Variants in PREX2 observed in about 807,000 individuals in gnomAD.
PREX2 encodes the protein phosphatidylinositol 3,4,5-trisphosphate-dependent Rac exchanger 2 protein.
A neutral mutation model predicts 203.2 loss-of-function variants in PREX2; 107 were observed. That is an observed-to-expected ratio of 0.53 (90% confidence interval 0.45 to 0.62). PREX2 has a LOEUF of 0.62. Ranked by LOEUF, PREX2 falls within the 20% of genes least tolerant of loss-of-function variation. The probability of loss-of-function intolerance (pLI) is 0.00; values close to 1 mark genes in which losing one functional copy is unlikely to be tolerated. For synonymous variants in PREX2, 672 were observed against 663.6 expected (o/e 1.01, Z -0.19); for missense variants, 1,777 against 1,955.9 (o/e 0.91, Z 1.72).
rs186452805 is a variant in PREX2, at chr8:68,127,345, A to T, written c.3725-33A>T. ...TATGGTATTTGTGACAGAAAGAGTGAACAATTAACTGATGTGTTTTCTTTC... is the reference window on the plus strand; with the variant it reads ...TATGGTATTTGTGACAGAAAGAGTGTACAATTAACTGATGTGTTTTCTTTC... On this transcript the variant is annotated intron_variant, in intron 30 of 39. Coordinates refer to ENST00000288368, the MANE Select transcript of PREX2 (RefSeq NM_024870.4). 1.3e-5 allele frequency: 20 copies of T among 1,544,458 alleles called. No individual in the cohort carries two copies. In the East Asian group the frequency reaches 4.5e-4, roughly 35 times the overall value.
chr8:68,047,514 C>CATATATATAT (rs1182364304), intron 8 of PREX2, among the ~76,000 whole-genome samples: 5 of 94,236 alleles, frequency 5.3e-5, no homozygotes, highest in African/African-American at 1.9e-4. Context: ...TATACACATA[C>CATATATATAT]ATATATATAT....
At chr8:68,120,894 TAA>T in intron 29 of PREX2, 25 bp from the exon 30 acceptor site, 2 of 1,604,956 alleles carry the variant, frequency 1.2e-6, no homozygotes, top group Non-Finnish European at 1.7e-6. Context: ...ATTTGAGACT[TAA>T]GAGAGATTTT....
intron 32 of PREX2, 79 bp downstream of exon 32, chr8:68,134,355 A>G: frequency 8.6e-7 from 1 of 1,161,406 alleles, no homozygotes; most frequent in Non-Finnish European, 1.3e-6. Context: ...AGAAGTAGTT[A>G]TTTCTTTCCC....
chr8:68,190,486 C>A (rs535973866), intron 35 of PREX2, among the ~76,000 whole-genome samples: 15 of 152,216 alleles, frequency 9.9e-5, no homozygotes, highest in African/African-American at 3.6e-4. Context: ...AACTCAGAAA[C>A]AGAAAATTTA....
intron 8 of PREX2, among the ~76,000 whole-genome samples, chr8:68,045,297 A>C (rs1008485056): frequency 6.6e-6 from 1 of 152,146 alleles, no homozygotes; most frequent in African/African-American, 2.4e-5. Flanking sequence ...GATTTTAGTT[A>C]GAATTTAAAA....
chr8:68,032,577 G>A (rs1441048871), intron 6 of PREX2, among the ~76,000 whole-genome samples: 1 of 152,162 alleles, frequency 6.6e-6, no homozygotes, highest in South Asian at 2.1e-4. Flanking sequence ...CATCGAGGGG[G>A]GAACTTGGTT....
chr8:68,030,771 T>A, intron 6 of PREX2, 113 bp downstream of exon 6: 1 of 997,902 alleles, frequency 1.0e-6, no homozygotes, highest in Non-Finnish European at 1.5e-6. Context: ...AGATATTACT[T>A]GAGGACTGTA....
At chr8:67,972,223 A>G (rs1271069920) in intron 1 of PREX2, among the ~76,000 whole-genome samples, 7 of 152,220 alleles carry the variant, frequency 4.6e-5, no homozygotes, top group Admixed American at 3.9e-4. Context: ...TGATTGCAGT[A>G]ATTTCTGTAA....
chr8:68,139,716 T>C (rs1465735248), intron 33 of PREX2, among the ~76,000 whole-genome samples: 2 of 152,178 alleles, frequency 1.3e-5, no homozygotes, highest in Non-Finnish European at 2.9e-5. Context: ...GTCAATGCTG[T>C]TTAATTTATG....
intron 14 of PREX2, among the ~76,000 whole-genome samples, chr8:68,075,023 AG>A (rs1438310967): frequency 2.0e-5 from 3 of 152,228 alleles, no homozygotes; most frequent in Non-Finnish European, 4.4e-5. Flanking sequence ...TGGCATGTGC[AG>A]TAATATACCT....
At chr8:68,200,559 T>A in intron 37 of PREX2, among the ~76,000 whole-genome samples, 1 of 152,060 alleles carries the variant, frequency 6.6e-6, no homozygotes, top group East Asian at 1.9e-4. Flanking sequence ...GTAATAAAAG[T>A]TCTTTATCCT....
Position 68,093,710 on chromosome 8 carries a change from T to C in PREX2, c.2356T>C (p.Cys786Arg). Residue 786 changes from cysteine (C) to arginine (R), a missense_variant, in exon 21 of 40, where the codon TGT becomes CGT. By Grantham distance (180) the Cys-to-Arg change is radical. Transcript: ENST00000288368. Reference sequence around the variant, plus strand: ...AGATGAAGCAGGGGATGCTTTTGACTGTAAAGTAGAAGGTAGGTTTCTTAT... The same window carrying C: ...AGATGAAGCAGGGGATGCTTTTGACCGTAAAGTAGAAGGTAGGTTTCTTAT... ...PGDEAGDAFD[C>R]KVEEVIDKFN... The C allele has an allele frequency of 6.3e-7, 1 of 1,576,286 alleles. No individual in the cohort carries two copies. Among genetic ancestry groups the C allele is most frequent in the Non-Finnish European group, 8.7e-7 (1 of 1,147,622 alleles).
chr8:68,057,779 G>A (rs6472375), intron 10 of PREX2, among the ~76,000 whole-genome samples: 17,225 of 152,056 alleles, frequency 0.11, 1,031 homozygotes, highest in Middle Eastern at 0.13. Flanking sequence ...AGCCACCAGG[G>A]GTCATTTTTA....
intron 22 of PREX2, 33 bp downstream of exon 22, chr8:68,097,234 G>T: frequency 6.4e-7 from 1 of 1,553,450 alleles, no homozygotes. Flanking sequence ...AAGATTTTTT[G>T]TTCTAAATAA....
At chr8:68,131,735 G>A (rs1229903545) in intron 31 of PREX2, among the ~76,000 whole-genome samples, 1 of 152,092 alleles carries the variant, frequency 6.6e-6, no homozygotes, top group Admixed American at 6.6e-5. Flanking sequence ...AAGAAACTTG[G>A]AAATAATTAT....
intron 1 of PREX2, among the ~76,000 whole-genome samples, chr8:67,954,291 T>C (rs10504411): frequency 0.011 from 1,704 of 152,330 alleles, 25 homozygotes; most frequent in Non-Finnish European, 0.016. Flanking sequence ...CCTGTTTATG[T>C]TTATATGCAC....
At chr8:68,154,674 C>T (rs1811506749) in intron 34 of PREX2, among the ~76,000 whole-genome samples, 2 of 152,184 alleles carry the variant, frequency 1.3e-5, no homozygotes, top group African/African-American at 4.8e-5. Flanking sequence ...TACAACTATT[C>T]TAATTAACGA....
At chr8:68,164,525 A>T in intron 35 of PREX2, among the ~76,000 whole-genome samples, 1 of 151,132 alleles carries the variant, frequency 6.6e-6, no homozygotes, top group Non-Finnish European at 1.5e-5. Flanking sequence ...TTATTATCAG[A>T]TTATAGCCAA....
intron 35 of PREX2, among the ~76,000 whole-genome samples, chr8:68,170,790 T>A (rs1452133580): frequency 1.3e-5 from 2 of 152,182 alleles, no homozygotes; most frequent in Non-Finnish European, 2.9e-5. Context: ...TTAGTCTCTC[T>A]GGCCATGAGC....
Sources: allele counts gnomAD v4.1 joint callset (sites outside exome capture counted in the v4.1 genomes callset), GRCh38; gene constraint gnomAD v4.1.1; transcripts MANE v1.5; gene names NCBI Gene and HGNC (gene_info 2026-07-23, HGNC 2026-07-21).